The following CECR2 variants were observed in gnomAD, a reference collection of about 807,000 sequenced individuals.
CECR2 encodes the protein chromatin remodeling regulator CECR2.
CECR2 carries 30 observed loss-of-function variants against 154.5 expected under a neutral mutation model. That is an observed-to-expected ratio of 0.19 (90% CI 0.15 to 0.26). CECR2 has a LOEUF of 0.26. CECR2 is among the 10% of genes least tolerant of loss of function. The pLI is 1.00. For missense variants in CECR2, 1,743 were observed against 1,829.3 expected, an observed-to-expected ratio of 0.95 and a Z score of 0.86; for synonymous variants, 725 against 683.7, an observed-to-expected ratio of 1.06 and a Z score of -0.94.
chr22:17,404,733 C>CT (rs2053956009), intron 1 of CECR2, among the ~76,000 whole-genome samples: 1 of 152,194 alleles, frequency 6.6e-6, no homozygotes, highest in South Asian at 2.1e-4. Context: ...ATCACAGTAT[C>CT]TTAATTAGTG....
At position 17,548,376 on chromosome 22, in the gene CECR2, G is replaced by A; in HGVS notation, c.3089G>A (p.Ser1030Asn). The A allele has an allele frequency of 6.2e-7, 1 of 1,613,378 alleles. No homozygotes were observed. The highest frequency in any genetic ancestry group is 8.5e-7 in the Non-Finnish European group (1 of 1,179,558). Reference protein sequence around the residue: ...KGKNPWPSDSSYPGPAAQGCV... With the variant: ...KGKNPWPSDSNYPGPAAQGCV... ...AAGAATCCCTGGCCCTCGGATAGCA[G>A]CTACCCCGGCCCAGCCGCCCAAGGG... Residue 1030 changes from serine to asparagine, a missense_variant, in exon 17 of 19, where the codon AGC becomes AAC. Coordinates refer to ENST00000262608, the MANE Select transcript of CECR2 (RefSeq NM_001290047.2).
chr22:17,482,285 G>A (rs1276845853), intron 2 of CECR2, among the ~76,000 whole-genome samples: 8 of 151,130 alleles, frequency 5.3e-5, no homozygotes, highest in South Asian at 2.1e-4. Context: ...TTAGCCGGGC[G>A]TGGTGGCAGG....
intron 1 of CECR2, among the ~76,000 whole-genome samples, chr22:17,477,321 G>A (rs774577730): frequency 6.6e-6 from 1 of 152,206 alleles, no homozygotes; most frequent in Non-Finnish European, 1.5e-5. Flanking sequence ...TTATCAAAAA[G>A]AGTTATGTGT....
At chr22:17,480,962 C>A (rs544559034) in intron 2 of CECR2, among the ~76,000 whole-genome samples, 41 of 150,656 alleles carry the variant, frequency 2.7e-4, no homozygotes, top group African/African-American at 9.3e-4. Flanking sequence ...ATTGCTTCAA[C>A]CCGGGAGGCG....
intron 1 of CECR2, among the ~76,000 whole-genome samples, chr22:17,362,565 G>A (rs1317781709): frequency 6.6e-6 from 1 of 151,892 alleles, no homozygotes. Flanking sequence ...TTTTGTGTGT[G>A]TTGATTACAT....
intron 18 of CECR2, 58 bp from the exon 19 acceptor site, chr22:17,552,777 T>TTTG (rs1162100320): frequency 7.5e-7 from 1 of 1,329,920 alleles, no homozygotes; most frequent in South Asian, 1.3e-5. Context: ...TACTTAAGTT[T>TTTG]TTTTTTTTTT....
At chr22:17,500,884 G>A in intron 5 of CECR2, 149 bp downstream of exon 5, 1 of 602,602 alleles carries the variant, frequency 1.7e-6, no homozygotes, top group East Asian at 2.8e-5. Flanking sequence ...CACATGTGCA[G>A]TACAGTCAGG....
chr22:17,475,172 G>A (rs1383285062), intron 1 of CECR2, among the ~76,000 whole-genome samples: 1 of 152,094 alleles, frequency 6.6e-6, no homozygotes, highest in Non-Finnish European at 1.5e-5. Flanking sequence ...AGTTTCTCCC[G>A]TAAAGAACTG....
chr22:17,445,333 C>T (rs1397432584), intron 1 of CECR2, among the ~76,000 whole-genome samples: 6 of 151,976 alleles, frequency 3.9e-5, no homozygotes, highest in Admixed American at 3.9e-4. Flanking sequence ...GAGACCCTGC[C>T]TCTAGAAAAT....
rs140271283 is a variant in CECR2, at chr22:17,389,602, C to T, written c.126+19693C>T. ...CTAGGACTACAAGCATGAGCCGCCA[C>T]GCCCAGCTCGGGGATATTCTTTTTT... On this transcript the variant is annotated intron_variant, in intron 1 of 18. Transcript: ENST00000262608. Among the ~76,000 whole-genome samples, 362 of 152,132 alleles carry T rather than the reference C, an allele frequency of 2.4e-3. 1 individual carries two copies. Among genetic ancestry groups the T allele is most frequent in the African/African-American group, 8.1e-3 (335 of 41,514 alleles).
At position 17,542,207 on chromosome 22, in the gene CECR2, G is replaced by A. The variant is rs368681634; in HGVS notation, c.2064G>A (p.Glu688=). 1.2e-6 allele frequency: 2 copies of A among 1,613,004 alleles called. No homozygotes were observed. The highest frequency in any genetic ancestry group is 1.3e-5 in the African/African-American group (1 of 75,042). ...GAGGACCCAGGCTAGGCACACCAGA[G>A]GAGAAGCAAATGTGCGGGGGGCTGA... ...SLRGPRLGTP[E]EKQMCGGLTH... The change falls in exon 16 of 19, where the codon GAG becomes GAA. Residue 688 remains glutamate, a synonymous_variant. Transcript: ENST00000262608.
chr22:17,513,880 A>G (rs1246506061), intron 8 of CECR2, among the ~76,000 whole-genome samples: 1 of 152,170 alleles, frequency 6.6e-6, no homozygotes, highest in African/African-American at 2.4e-5. Flanking sequence ...AACGTCCTTC[A>G]TTGCTCCAAG....
At chr22:17,372,415 C>A (rs1164748354) in intron 1 of CECR2, among the ~76,000 whole-genome samples, 2 of 152,184 alleles carry the variant, frequency 1.3e-5, no homozygotes, top group Admixed American at 6.5e-5. Context: ...CCTGTAATCC[C>A]AGCACTTTGG....
intron 7 of CECR2, among the ~76,000 whole-genome samples, chr22:17,511,264 T>C (rs1054620994): frequency 1.3e-5 from 2 of 152,208 alleles, no homozygotes; most frequent in African/African-American, 4.8e-5. Context: ...TTCTTTGAAA[T>C]TTCCTATAAG....
intron 1 of CECR2, among the ~76,000 whole-genome samples, chr22:17,449,353 G>A (rs1351999807): frequency 6.6e-6 from 1 of 151,940 alleles, no homozygotes; most frequent in Non-Finnish European, 1.5e-5. Flanking sequence ...GGAAAACCCA[G>A]ACTCACACAC....
At chr22:17,478,352 A>ATT (rs56010603) in intron 2 of CECR2, among the ~76,000 whole-genome samples, 3,527 of 118,922 alleles carry the variant, frequency 0.03, 152 homozygotes, top group East Asian at 0.21. Flanking sequence ...ATGGTATCAA[A>ATT]TTTTTTTTTT....
chr22:17,366,979 T>C (rs1029298984), upstream of CECR2, among the ~76,000 whole-genome samples: 6 of 152,060 alleles, frequency 3.9e-5, no homozygotes, highest in African/African-American at 1.4e-4. Flanking sequence ...GAAATGGGTC[T>C]AAAGTTGGTG....
At chr22:17,383,232 AT>A (rs2063220794) in intron 1 of CECR2, among the ~76,000 whole-genome samples, 1 of 152,214 alleles carries the variant, frequency 6.6e-6, no homozygotes, top group Non-Finnish European at 1.5e-5. Flanking sequence ...CTCCAAAAAA[AT>A]AAAAAAAATC....
chr22:17,382,149 C>T (rs536956514), intron 1 of CECR2, among the ~76,000 whole-genome samples: 7 of 152,096 alleles, frequency 4.6e-5, no homozygotes, highest in Middle Eastern at 3.4e-3. Flanking sequence ...CTTGGCCTCC[C>T]AAAGTGCTGG....
Sources: gnomAD v4.1 joint callset for allele counts (sites outside exome capture counted in the v4.1 genomes callset) on GRCh38, gnomAD v4.1.1 for gene constraint, MANE v1.5 for transcripts, NCBI Gene and HGNC (gene_info 2026-07-23, HGNC 2026-07-21) for gene names.